Variants in NELL1 observed in about 807,000 individuals in gnomAD.
The protein encoded by NELL1 is protein kinase C-binding protein NELL1.
NELL1 carries 76 observed loss-of-function variants against 107.4 expected under a neutral mutation model. That is an observed-to-expected ratio of 0.71 (90% CI 0.59 to 0.86). The LOEUF is 0.86. Among genes scored for constraint, NELL1 ranks in the 40% least tolerant of loss-of-function variants. The probability of loss-of-function intolerance (pLI) is 0.00; values close to 1 mark genes in which losing one functional copy is unlikely to be tolerated. For synonymous variants in NELL1, 353 were observed against 341.2 expected, an observed-to-expected ratio of 1.03 and a Z score of -0.38; for missense variants, 1,024 against 1,005.5, an observed-to-expected ratio of 1.02 and a Z score of -0.25.
intron 5 of NELL1, among the ~76,000 whole-genome samples, chr11:20,901,973 T>C (rs2134133236): frequency 6.6e-6 from 1 of 152,182 alleles, no homozygotes; most frequent in East Asian, 1.9e-4. Context: ...AAGGAAAAGC[T>C]TCAAATATAT....
At chr11:20,999,201 C>T (rs755741252) in intron 12 of NELL1, among the ~76,000 whole-genome samples, 6 of 152,156 alleles carry the variant, frequency 3.9e-5, no homozygotes, top group Non-Finnish European at 5.9e-5. Flanking sequence ...GAATTCTGTA[C>T]GTAAAAGAGA....
chr11:21,495,307 G>A (rs993428040), intron 15 of NELL1, among the ~76,000 whole-genome samples: 7 of 151,904 alleles, frequency 4.6e-5, no homozygotes, highest in Non-Finnish European at 8.8e-5. Flanking sequence ...TGTTTTTCAG[G>A]TTCACTCATG....
At chr11:21,089,165 A>G (rs906004794) in intron 12 of NELL1, among the ~76,000 whole-genome samples, 3 of 152,194 alleles carry the variant, frequency 2.0e-5, no homozygotes, top group Non-Finnish European at 4.4e-5. Flanking sequence ...TTTCAGTATA[A>G]TAATTCAGTG....
intron 3 of NELL1, among the ~76,000 whole-genome samples, chr11:20,788,613 A>G (rs528596303): frequency 6.8e-6 from 1 of 146,358 alleles, no homozygotes; most frequent in Non-Finnish European, 1.5e-5. Flanking sequence ...TATGATTTAC[A>G]GTTTTTTCCC....
chr11:21,244,047 T>C (rs1387632246), intron 14 of NELL1, among the ~76,000 whole-genome samples: 1 of 152,022 alleles, frequency 6.6e-6, no homozygotes, highest in East Asian at 1.9e-4. Context: ...ATACCAGAGG[T>C]TGAGAATACC....
chr11:21,231,093 G>A (rs746524263), intron 14 of NELL1, among the ~76,000 whole-genome samples: 15 of 151,888 alleles, frequency 9.9e-5, no homozygotes, highest in Non-Finnish European at 1.6e-4. Context: ...GTATGTACAC[G>A]CACGCACACA....
At chr11:21,480,734 A>T (rs752440518) in intron 15 of NELL1, among the ~76,000 whole-genome samples, 3 of 152,186 alleles carry the variant, frequency 2.0e-5, no homozygotes, top group Non-Finnish European at 4.4e-5. Flanking sequence ...GTGCCTAACC[A>T]GTTGTGCCAG....
intron 13 of NELL1, among the ~76,000 whole-genome samples, chr11:21,150,503 T>A (rs950091973): frequency 2.0e-5 from 3 of 152,130 alleles, no homozygotes; most frequent in African/African-American, 7.2e-5. Flanking sequence ...CATGAGGGAC[T>A]GGTAATGTGA....
intron 14 of NELL1, among the ~76,000 whole-genome samples, chr11:21,236,439 A>G (rs1416111316): frequency 2.0e-5 from 3 of 152,296 alleles, no homozygotes; most frequent in Middle Eastern, 3.4e-3. Flanking sequence ...TGAAAAATCA[A>G]AGACAAATTA....
chr11:21,099,716 A>G (rs777442739), intron 12 of NELL1, among the ~76,000 whole-genome samples: 9 of 152,160 alleles, frequency 5.9e-5, no homozygotes, highest in Non-Finnish European at 1.2e-4. Context: ...ATCTTAGGGA[A>G]CTTTCCCACA....
chr11:20,902,725 T>A (rs548328610), intron 5 of NELL1, among the ~76,000 whole-genome samples: 1 of 151,996 alleles, frequency 6.6e-6, no homozygotes, highest in African/African-American at 2.4e-5. Flanking sequence ...AACCTAATTG[T>A]CCATCAATAG....
chr11:21,301,100 T>A (rs1275789711), intron 14 of NELL1, among the ~76,000 whole-genome samples: 1 of 152,176 alleles, frequency 6.6e-6, no homozygotes, highest in Non-Finnish European at 1.5e-5. Context: ...CTGCATATTA[T>A]TCCATGGTGT....
chr11:21,453,646 G>A (rs969287874), intron 15 of NELL1, among the ~76,000 whole-genome samples: 1 of 151,744 alleles, frequency 6.6e-6, no homozygotes, highest in Non-Finnish European at 1.5e-5. Flanking sequence ...TATTTATATA[G>A]TTGGGTTTAA....
At chr11:21,410,736 G>A (rs945123031) in intron 15 of NELL1, among the ~76,000 whole-genome samples, 3 of 151,956 alleles carry the variant, frequency 2.0e-5, no homozygotes, top group African/African-American at 7.2e-5. Flanking sequence ...TCAGTGGAGA[G>A]AATATTTGAT....
intron 5 of NELL1, among the ~76,000 whole-genome samples, chr11:20,899,382 A>C (rs771011562): frequency 1.3e-5 from 2 of 152,198 alleles, no homozygotes; most frequent in Non-Finnish European, 2.9e-5. Flanking sequence ...AGTATCATTT[A>C]AAGTAACTAA....
chr11:20,825,064 C>A (rs1167710412), intron 3 of NELL1, among the ~76,000 whole-genome samples: 1 of 151,282 alleles, frequency 6.6e-6, no homozygotes, highest in Admixed American at 6.6e-5. Flanking sequence ...GGGTGCAAGC[C>A]CCAAGTCTTG....
intron 2 of NELL1, among the ~76,000 whole-genome samples, chr11:20,703,885 C>A (rs1854866205): frequency 6.6e-6 from 1 of 152,192 alleles, no homozygotes; most frequent in Non-Finnish European, 1.5e-5. Context: ...GTTATAATTT[C>A]TATTCTTTTA....
chr11:20,995,610 A>G (rs1036936608), intron 12 of NELL1, among the ~76,000 whole-genome samples: 27 of 151,976 alleles, frequency 1.8e-4, no homozygotes, highest in East Asian at 9.7e-4. Context: ...ATTGCTTCAC[A>G]TTTCTACATC....
chr11:21,305,461 A>G (rs1434625054), intron 14 of NELL1, among the ~76,000 whole-genome samples: 1 of 152,012 alleles, frequency 6.6e-6, no homozygotes, highest in Non-Finnish European at 1.5e-5. Flanking sequence ...AATGCATCCA[A>G]ATTAATCATA....
Sources: allele counts gnomAD v4.1 joint callset (sites outside exome capture counted in the v4.1 genomes callset), GRCh38; gene constraint gnomAD v4.1.1; transcripts MANE v1.5; gene names NCBI Gene and HGNC (gene_info 2026-07-23, HGNC 2026-07-21).